APC: variants seen among roughly 807,000 people sequenced by gnomAD.
The protein encoded by APC is APC regulator of Wnt signaling pathway, also known as adenomatous polyposis coli protein.
A neutral mutation model predicts 247.0 loss-of-function variants in APC; 72 were observed. The observed-to-expected ratio is 0.29, with a 90% CI of 0.24 to 0.35. The LOEUF is 0.35. Among genes scored for constraint, APC ranks in the 10% least tolerant of loss-of-function variants. APC has a pLI of 1.00. For synonymous variants in APC, 1,254 were observed against 1,162.5 expected (o/e 1.08, Z -1.60); for missense variants, 3,400 against 3,360.7 (o/e 1.01, Z -0.29).
intron 1 of APC, among the ~76,000 whole-genome samples, chr5:112,708,664 C>G (rs983174758): frequency 1.3e-5 from 2 of 152,236 alleles, no homozygotes. Flanking sequence ...AAATTGCCTA[C>G]TGACGTCTTA....
rs2149842372 is a variant in APC at position 112,835,043 on chromosome 5, A to G, written c.1836A>G (p.Ala612=). The G allele has an allele frequency of 6.2e-7, 1 of 1,614,148 alleles. No individual in the cohort carries two copies. The highest frequency in any genetic ancestry group is 2.2e-5 in the East Asian group (1 of 44,868). ...CTGATATATGTGCTGTAGATGGTGC[A>G]CTTGCATTTTTGGTTGGCACTCTTA... is the stretch of plus-strand genomic sequence containing the variant. ...NKADICAVDG[A]LAFLVGTLTY... Residue 612 remains alanine (A), a synonymous_variant, in exon 15 of 16, where the codon GCA becomes GCG. Transcript: ENST00000257430.
chr5:112,796,949 T>C (rs1360168392), intron 7 of APC, among the ~76,000 whole-genome samples: 1 of 152,116 alleles, frequency 6.6e-6, no homozygotes, highest in Non-Finnish European at 1.5e-5. Flanking sequence ...TTATGTAATA[T>C]AAAATAGCCC....
At position 112,842,604 on chromosome 5, in the gene APC, G is replaced by T. The variant is rs1464047428; in HGVS notation, c.7010G>T (p.Ser2337Ile). Residue 2337 changes from serine to isoleucine, a missense_variant, in exon 16 of 16, where the codon AGT (serine) becomes ATT (isoleucine). Around this residue, in one of 9 missense-constraint regions of APC, gnomAD observed 1,788 missense variants for 1,649.5 expected, o/e 1.08. Coordinates refer to ENST00000257430, the MANE Select transcript of APC (RefSeq NM_000038.6). The stretch of plus-strand genomic sequence containing the variant: ...ATTTCCCCTGGTAGAAATGGAATAA[G>T]TCCTCCTAACAAATTATCTCAACTT... Reference protein sequence around the residue: ...NSISPGRNGISPPNKLSQLPR... With the variant: ...NSISPGRNGIIPPNKLSQLPR... 1 of 1,613,854 alleles carries T rather than the reference G, an allele frequency of 6.2e-7. No individual in the cohort carries two copies. The highest frequency in any genetic ancestry group is 8.5e-7 in the Non-Finnish European group (1 of 1,179,796).
chr5:112,780,885 T>C lies in APC; in HGVS notation c.627T>C (p.Asp209=), dbSNP rs1373069696. The C allele has an allele frequency of 3.1e-6, 5 of 1,611,356 alleles. No individual in the cohort carries two copies. The highest frequency in any genetic ancestry group is 1.7e-4 in the Middle Eastern group (1 of 6,058). ...AMEEQLGTCQ[D]MEKRAQRRIA... ...AAGAACAACTAGGTACCTGCCAGGA[T>C]ATGGAAAAACGAGCACAGGTAAGTT... is the stretch of plus-strand genomic sequence containing the variant. Residue 209 remains aspartate, a synonymous_variant, in exon 6 of 16, where the codon GAT becomes GAC. Transcript: ENST00000257430.
intron 6 of APC, among the ~76,000 whole-genome samples, chr5:112,787,775 G>A (rs1000530385): frequency 2.6e-5 from 4 of 152,108 alleles, no homozygotes; most frequent in Non-Finnish European, 4.4e-5. Context: ...AAACTTTTAT[G>A]ATAGAGCTAA....
At chr5:112,725,419 T>A (rs1177845638) in intron 1 of APC, among the ~76,000 whole-genome samples, 6 of 152,128 alleles carry the variant, frequency 3.9e-5, no homozygotes, top group Non-Finnish European at 8.8e-5. Context: ...AGCAGCATAT[T>A]CTTAATATCA....
chr5:112,769,984 T>G (rs1300414426), intron 4 of APC, among the ~76,000 whole-genome samples: 2 of 151,214 alleles, frequency 1.3e-5, no homozygotes, highest in Admixed American at 1.3e-4. Context: ...CTTCCATCTC[T>G]TTTTCCCCTT....
At chr5:112,801,164 A>G (rs1760776921) in intron 7 of APC, 115 bp from the exon 8 acceptor site, 1 of 719,730 alleles carries the variant, frequency 1.4e-6, no homozygotes, top group Admixed American at 2.3e-5. Flanking sequence ...CCATGCCTTT[A>G]TCAGTCTGTA....
At chr5:112,807,266 C>T (rs1761518142) in intron 8 of APC, among the ~76,000 whole-genome samples, 1 of 151,996 alleles carries the variant, frequency 6.6e-6, no homozygotes, top group African/African-American at 2.4e-5. Flanking sequence ...TACAGTTTGA[C>T]AGTTTACTGT....
At chr5:112,728,790 A>G (rs568973592) in intron 1 of APC, among the ~76,000 whole-genome samples, 1 of 152,046 alleles carries the variant, frequency 6.6e-6, no homozygotes, top group African/African-American at 2.4e-5. Flanking sequence ...TGTGCATATG[A>G]TTTCTGATTA....
At chr5:112,737,192 C>T (rs2439593), upstream of APC, among the ~76,000 whole-genome samples, 11,450 of 152,140 alleles carry the variant, frequency 0.075, 471 homozygotes, top group Middle Eastern at 0.14. Context: ...CTAAATACTT[C>T]ATATATATTA....
intron 1 of APC, among the ~76,000 whole-genome samples, chr5:112,721,676 G>T (rs993193539): frequency 1.3e-5 from 2 of 152,108 alleles, no homozygotes; most frequent in African/African-American, 2.4e-5. Flanking sequence ...ACACAGTTGG[G>T]TATCATGTCA....
rs928275105 is a variant in APC, at chr5:112,835,230, T to C, written c.1958+65T>C. 8 of 1,367,320 alleles carry C rather than the reference T, an allele frequency of 5.9e-6. No individual in the cohort carries two copies. The Middle Eastern group carries it at 1.3e-3, about 218-fold the overall frequency. The allele number at this position is 1,367,320 out of a possible 1,614,324, so 84.7% of individuals were successfully genotyped here. A position where few individuals can be genotyped will look rare whatever the true frequency, so the allele number is the denominator to read the frequency against. On this transcript the variant is annotated intron_variant, in intron 15 of 15. Transcript: ENST00000257430. ...TCATACTCTCAAAAAGACCTAATTG[T>C]AAGCAATGTTTTATATAATCATGAA... is the stretch of plus-strand genomic sequence containing the variant.
chr5:112,733,728 T>C (rs1329376322), upstream of APC, among the ~76,000 whole-genome samples: 6 of 152,200 alleles, frequency 3.9e-5, no homozygotes, highest in South Asian at 8.3e-4. Flanking sequence ...GTAATTTGTT[T>C]TGGCAGCCAT....
intron 8 of APC, among the ~76,000 whole-genome samples, chr5:112,811,437 T>C (rs1340492288): frequency 6.6e-6 from 1 of 152,222 alleles, no homozygotes; most frequent in Non-Finnish European, 1.5e-5. Flanking sequence ...AGAAGTTGGC[T>C]CAGGTCTAGC....
intron 2 of APC, among the ~76,000 whole-genome samples, chr5:112,760,959 G>A (rs1755584076): frequency 1.3e-5 from 2 of 152,070 alleles, no homozygotes; most frequent in African/African-American, 4.8e-5. Flanking sequence ...ACAGGCACCT[G>A]CCACCATGCC....
Position 112,846,046 on chromosome 5 carries a change from G to C in APC, c.*1920G>C, listed in dbSNP as rs1580700525. ...AGCTAAAATGCCAGTAAATAAAAGT[G>C]CTATGACTTGAGCTAAGATATTTGA... On this transcript the variant is annotated 3_prime_UTR_variant, in exon 16 of 16. Transcript: ENST00000257430. 1 of 232,062 alleles carries C rather than the reference G, an allele frequency of 4.3e-6. No individual in the cohort carries two copies. The highest frequency in any genetic ancestry group is 6.1e-5 in the East Asian group (1 of 16,350). 14.4% of individuals were successfully genotyped at this position (232,062 alleles called of 1,614,324 possible). A position where few individuals can be genotyped will look rare whatever the true frequency, so the allele number is the denominator to read the frequency against.
chr5:112,835,126 G>A lies in APC; in HGVS notation c.1919G>A (p.Arg640Gln), dbSNP rs1273594465. Reference sequence around the variant, plus strand: ...ATTGAAAGTGGAGGTGGGATATTACGGAATGTGTCCAGCTTGATAGCTACA... The same window carrying A: ...ATTGAAAGTGGAGGTGGGATATTACAGAATGTGTCCAGCTTGATAGCTACA... ...AIIESGGGIL[R>Q]NVSSLIATNE... Residue 640 changes from arginine (R) to glutamine (Q), a missense_variant, in exon 15 of 16, where the codon CGG becomes CAG. This residue lies in a region of APC where 184 missense variants were observed against 248.0 expected (regional missense o/e 0.74). Coordinates refer to ENST00000257430, the MANE Select transcript of APC (RefSeq NM_000038.6). 3 of 1,613,954 alleles carry A rather than the reference G, an allele frequency of 1.9e-6. No homozygotes were observed. The highest frequency in any genetic ancestry group is 1.7e-6 in the Non-Finnish European group (2 of 1,179,986).
At chr5:112,744,035 T>A (rs2149701383) in intron 1 of APC, among the ~76,000 whole-genome samples, 1 of 151,462 alleles carries the variant, frequency 6.6e-6, no homozygotes, top group East Asian at 1.9e-4. Context: ...AAGGAGAGAG[T>A]CTCACTATAT....
Sources: allele counts gnomAD v4.1 joint callset (sites outside exome capture counted in the v4.1 genomes callset), GRCh38; gene constraint gnomAD v4.1.1; regional missense constraint gnomAD v4.1.1; transcripts MANE v1.5; gene names NCBI Gene and HGNC (gene_info 2026-07-23, HGNC 2026-07-21).